MEIS1: variants seen among roughly 807,000 people sequenced by gnomAD.
MEIS1 encodes homeobox protein Meis1.
Under a neutral mutation model 50.8 loss-of-function variants are expected in MEIS1, and 5 were observed. The observed-to-expected ratio is 0.10, with a 90% CI of 0.05 to 0.21. The LOEUF (loss-of-function observed/expected upper bound fraction) is 0.21, where lower values mean the gene tolerates loss of function less well. Among genes scored for constraint, MEIS1 ranks in the 10% least tolerant of loss-of-function variants. The pLI is 1.00. For synonymous variants in MEIS1, 176 were observed against 179.3 expected, an observed-to-expected ratio of 0.98 and a Z score of 0.15; for missense variants, 318 against 517.3, an observed-to-expected ratio of 0.61 and a Z score of 3.74.
intron 7 of MEIS1, among the ~76,000 whole-genome samples, chr2:66,504,970 A>G (rs890749940): frequency 6.6e-6 from 1 of 152,234 alleles, no homozygotes; most frequent in African/African-American, 2.4e-5. Flanking sequence ...ATATCTATGG[A>G]TAAGAGAAGA....
intron 7 of MEIS1, among the ~76,000 whole-genome samples, chr2:66,493,380 G>C (rs530237648): frequency 6.6e-6 from 1 of 152,222 alleles, no homozygotes; most frequent in East Asian, 1.9e-4. Context: ...AGCCTTGCTA[G>C]CTTCCTAACT....
In MEIS1 at chr2:66,489,723, A is replaced by G. The variant is rs79784501; in HGVS notation, c.743-22426A>G. ...AATATTCAAGTGCAAAATATTCCAT[A>G]GAGAGCCTTATTGTTTCAGCAAGGG... On this transcript the variant is annotated intron_variant, in intron 7 of 12. Transcript: ENST00000272369. Among the ~76,000 whole-genome samples the G allele has an allele frequency of 9.0e-3, 1,364 of 152,318 alleles. 9 individuals are homozygous for G. The highest frequency in any genetic ancestry group is 0.015 in the Non-Finnish European group (1,003 of 68,030).
intron 8 of MEIS1, among the ~76,000 whole-genome samples, chr2:66,545,604 A>T (rs1222839704): frequency 6.6e-6 from 1 of 152,190 alleles, no homozygotes; most frequent in Non-Finnish European, 1.5e-5. Context: ...AGAGACATAG[A>T]CCTACTGTAT....
Position 66,487,155 on chromosome 2 carries a change from G to A in MEIS1, c.742+22935G>A, listed in dbSNP as rs187338039. On this transcript the variant is annotated intron_variant, in intron 7 of 12. Transcript: ENST00000272369. The stretch of plus-strand genomic sequence containing the variant: ...TGTTGAATAGGAGTGGTGAGAGAGG[G>A]CATCCTTGAAAAATAGGACAAGATT... 9.3e-4 allele frequency among the ~76,000 whole-genome samples: 141 copies of A among 152,266 alleles called. 1 individual carries two copies. Among genetic ancestry groups the A allele is most frequent in the Non-Finnish European group, 1.4e-3 (92 of 68,018 alleles).
intron 12 of MEIS1, 168 bp from the exon 13 acceptor site, chr2:66,571,078 A>T: frequency 1.5e-6 from 1 of 679,086 alleles, no homozygotes; most frequent in East Asian, 3.1e-5. Context: ...TTCCAGCATG[A>T]TGTTTCTCAT....
intron 7 of MEIS1, among the ~76,000 whole-genome samples, chr2:66,473,397 A>AAAAAAT: frequency 2.8e-5 from 3 of 107,612 alleles, no homozygotes; most frequent in African/African-American, 1.2e-4. Flanking sequence ...AAAAAAAAAA[A>AAAAAAT]ATATATATAT....
chr2:66,523,152 C>A (rs73937943), intron 8 of MEIS1, among the ~76,000 whole-genome samples: 6,160 of 152,234 alleles, frequency 0.04, 258 homozygotes, highest in African/African-American at 0.1. Flanking sequence ...AGAATGTCTG[C>A]AAATGAGGCA....
intron 10 of MEIS1, chr2:66,568,401 A>G (rs1409372181): frequency 2.9e-6 from 1 of 348,338 alleles, no homozygotes; most frequent in African/African-American, 2.1e-5. Context: ...TTCTTCCAAC[A>G]CCCATTATGT....
intron 8 of MEIS1, among the ~76,000 whole-genome samples, chr2:66,534,262 G>A (rs1294738790): frequency 2.6e-5 from 4 of 152,272 alleles, no homozygotes; most frequent in African/African-American, 7.2e-5. Context: ...TGGGCCGGGC[G>A]CAGTGGCTCA....
At chr2:66,485,089 A>ATG (rs901633708) in intron 7 of MEIS1, among the ~76,000 whole-genome samples, 19 of 152,044 alleles carry the variant, frequency 1.2e-4, no homozygotes, top group African/African-American at 4.1e-4. Flanking sequence ...GCTTATATAT[A>ATG]TATACACATA....
Position 66,437,771 on chromosome 2 carries a change from G to A in MEIS1, c.47G>A (p.Gly16Glu). ...CTACCCCATTACGGGGGCATGGATG[G>A]AGTAGGCATCCCCTCCACGATGTAT... is the stretch of plus-strand genomic sequence containing the variant. ...DDLPHYGGMD[G>E]VGIPSTMYGD... Residue 16 changes from glycine (G) to glutamate (E), a missense_variant, in exon 2 of 13, where the codon GGA (glycine) becomes GAA (glutamate). Gly to Glu is a moderately conservative substitution (Grantham distance 98). Coordinates refer to ENST00000272369, the MANE Select transcript of MEIS1 (RefSeq NM_002398.3). The A allele has an allele frequency of 6.2e-7, 1 of 1,613,850 alleles. No individual in the cohort carries two copies. Among genetic ancestry groups the A allele is most frequent in the Non-Finnish European group, 8.5e-7 (1 of 1,179,868 alleles).
At chr2:66,511,104 G>A (rs907590866) in intron 7 of MEIS1, among the ~76,000 whole-genome samples, 4 of 152,166 alleles carry the variant, frequency 2.6e-5, no homozygotes, top group Admixed American at 1.3e-4. Flanking sequence ...ACGGTTGACC[G>A]AGCTAAGCTA....
chr2:66,439,264 A>T, intron 2 of MEIS1: 1 of 1,058,412 alleles, frequency 9.4e-7, no homozygotes, highest in Non-Finnish European at 1.1e-6. Flanking sequence ...CGTGGAGCTG[A>T]GGAGGAGCCT....
chr2:66,519,134 T>C (rs1354577652), intron 8 of MEIS1, among the ~76,000 whole-genome samples: 4 of 152,182 alleles, frequency 2.6e-5, no homozygotes, highest in African/African-American at 7.2e-5. Flanking sequence ...ATTTTTCTTC[T>C]TGTACTGATG....
At chr2:66,444,709 C>A (rs868670110) in intron 6 of MEIS1, among the ~76,000 whole-genome samples, 8 of 152,186 alleles carry the variant, frequency 5.3e-5, no homozygotes, top group African/African-American at 1.9e-4. Flanking sequence ...AGCCCTGGCC[C>A]GGGAGCTGTT....
chr2:66,501,530 G>C (rs1263025636), intron 7 of MEIS1, among the ~76,000 whole-genome samples: 1 of 148,922 alleles, frequency 6.7e-6, no homozygotes, highest in East Asian at 2.0e-4. Context: ...ATTGCTGTTT[G>C]TCCTCTGTGT....
chr2:66,451,340 A>G (rs958702375), intron 6 of MEIS1, among the ~76,000 whole-genome samples: 5 of 152,096 alleles, frequency 3.3e-5, no homozygotes, highest in Non-Finnish European at 7.4e-5. Context: ...CACATCCCAT[A>G]GAAACTCTTT....
chr2:66,544,714 C>G (rs1211761188), intron 8 of MEIS1, among the ~76,000 whole-genome samples: 1 of 152,066 alleles, frequency 6.6e-6, no homozygotes, highest in Non-Finnish European at 1.5e-5. Context: ...TTGAGGCTGC[C>G]TAGCAATTAT....
chr2:66,475,415 A>G (rs1672871137), intron 7 of MEIS1, among the ~76,000 whole-genome samples: 1 of 150,684 alleles, frequency 6.6e-6, no homozygotes, highest in Non-Finnish European at 1.5e-5. Flanking sequence ...AAGGAAATTA[A>G]TAAAAGTTTA....
Sources: gnomAD v4.1 joint callset for allele counts (sites outside exome capture counted in the v4.1 genomes callset) on GRCh38, gnomAD v4.1.1 for gene constraint, MANE v1.5 for transcripts, NCBI Gene and HGNC (gene_info 2026-07-23, HGNC 2026-07-21) for gene names.